Variants in XPO5 observed in about 807,000 individuals in gnomAD.
XPO5 encodes exportin-5.
A neutral mutation model predicts 160.6 loss-of-function variants in XPO5; 46 were observed. The ratio of observed to expected loss-of-function variants is 0.29; its 90% CI spans 0.23 to 0.37. The LOEUF (loss-of-function observed/expected upper bound fraction) is 0.37, where lower values mean the gene tolerates loss of function less well. Among genes scored for constraint, XPO5 ranks in the 10% least tolerant of loss-of-function variants. XPO5 has a pLI of 1.00. For missense variants in XPO5, 1,090 were observed against 1,463.9 expected, an observed-to-expected ratio of 0.74 and a Z score of 4.17; for synonymous variants, 537 against 519.3, an observed-to-expected ratio of 1.03 and a Z score of -0.46.
At chr6:43,529,031 A>T (rs1204296432) in intron 23 of XPO5, 106 bp from the exon 24 acceptor site, 1 of 1,173,608 alleles carries the variant, frequency 8.5e-7, no homozygotes, top group Non-Finnish European at 1.2e-6. Flanking sequence ...GATTTGCCAG[A>T]TGTCAAAAAT....
At chr6:43,542,477 T>C (rs947697283) in intron 20 of XPO5, among the ~76,000 whole-genome samples, 1 of 152,164 alleles carries the variant, frequency 6.6e-6, no homozygotes, top group Non-Finnish European at 1.5e-5. Flanking sequence ...TAACATGATC[T>C]CAGCTCACTG....
At chr6:43,531,678 G>C in intron 21 of XPO5, 103 bp from the exon 22 acceptor site, 2 of 980,502 alleles carry the variant, frequency 2.0e-6, no homozygotes, top group Non-Finnish European at 3.3e-6. Flanking sequence ...GAAGATGTGT[G>C]CATGTCTGGT....
intron 20 of XPO5, among the ~76,000 whole-genome samples, chr6:43,537,737 G>T (rs1345791188): frequency 2.6e-5 from 4 of 152,054 alleles, no homozygotes; most frequent in Non-Finnish European, 4.4e-5. Flanking sequence ...GGAAACTCTG[G>T]AAATACAAGT....
At chr6:43,567,935 CAAA>C (rs760267973) in intron 6 of XPO5, among the ~76,000 whole-genome samples, 9 of 75,192 alleles carry the variant, frequency 1.2e-4, no homozygotes, top group Non-Finnish European at 2.2e-4. Context: ...GACCCTGTGT[CAAA>C]AAAAAAAAAA....
chr6:43,571,165 T>A lies in XPO5; in HGVS notation c.301-171A>T, dbSNP rs532111486. 7.9e-5 allele frequency among the ~76,000 whole-genome samples: 12 copies of A among 152,310 alleles called. No individual in the cohort carries two copies. The South Asian group carries it at 2.5e-3, about 32-fold the overall frequency. On this transcript the variant is annotated intron_variant, in intron 3 of 31. Coordinates refer to ENST00000265351, the MANE Select transcript of XPO5 (RefSeq NM_020750.3). ...GTCACTTGTCCTGCATTCTTGCTAA[T>A]CACTCTTCCGCTTAAAGCTTAAGTG...
In XPO5 at chr6:43,528,321, A is replaced by C. The variant is rs1232543732; in HGVS notation, c.2776-116T>G. On this transcript the variant is annotated intron_variant, in intron 24 of 31. Transcript: ENST00000265351. ...TAGCCAAGGATGATTCTAGGCATCA[A>C]TGACAACTTCTGTAGACTCCACACC... The C allele has an allele frequency of 5.7e-6, 6 of 1,058,594 alleles. No homozygotes were observed. The African/African-American group carries it at 9.5e-5, about 17-fold the overall frequency. 65.6% of individuals were successfully genotyped at this position (1,058,594 alleles called of 1,614,324 possible).
chr6:43,530,638 T>A, intron 23 of XPO5, 50 bp downstream of exon 23: 1 of 1,598,646 alleles, frequency 6.3e-7, no homozygotes, highest in African/African-American at 1.3e-5. Context: ...TTTGTTTCTC[T>A]CTCTAATTTT....
At chr6:43,545,417 C>T (rs1306315779) in intron 20 of XPO5, among the ~76,000 whole-genome samples, 2 of 151,952 alleles carry the variant, frequency 1.3e-5, no homozygotes, top group East Asian at 1.9e-4. Context: ...TTTAAACATC[C>T]TGTGAGAGGC....
Position 43,570,640 on chromosome 6 carries a change from T to G in XPO5, c.483A>C (p.Ala161=), listed in dbSNP as rs774858003. Residue 161 remains alanine, a synonymous_variant, in exon 5 of 32, where the codon GCA becomes GCC. Transcript: ENST00000265351. ...ELVMFILLRL[A]EDVVTFQTLP... Reference sequence around the variant, plus strand: ...GTGTCTGAAAAGTCACTACATCCTCTGCCAGTCGCAAAAGGATAAACATCA... The same window carrying G: ...GTGTCTGAAAAGTCACTACATCCTCGGCCAGTCGCAAAAGGATAAACATCA... 6.2e-7 allele frequency: 1 copy of G among 1,613,588 alleles called. No individual in the cohort carries two copies. The highest frequency in any genetic ancestry group is 8.5e-7 in the Non-Finnish European group (1 of 1,179,746).
intron 1 of XPO5, among the ~76,000 whole-genome samples, chr6:43,573,825 T>TATATATATATATA (rs1561889363): frequency 2.3e-5 from 2 of 85,278 alleles, no homozygotes; most frequent in African/African-American, 1.1e-4. Flanking sequence ...ATATATATAT[T>TATATATATATATA]TTTTTTTTTT....
intron 20 of XPO5, chr6:43,539,342 C>T (rs561430114): frequency 1.4e-4 from 214 of 1,577,670 alleles, no homozygotes; most frequent in South Asian, 1.1e-3. Flanking sequence ...GAACCTGGTG[C>T]GCTGGCCAGC....
chr6:43,575,774 G>A lies in XPO5; in HGVS notation c.91C>T (p.Leu31=). 1.9e-6 allele frequency: 3 copies of A among 1,613,514 alleles called. No individual in the cohort carries two copies. The highest frequency in any genetic ancestry group is 1.3e-5 in the African/African-American group (1 of 75,050). ...MDPNSTQRYR[L]EALKFCEEFK... is the part of the protein sequence containing the mutation. ...ACCCCAGCTACCTTGAGGGCTTCCA[G>A]CCGGTAGCGCTGGGTGGAGTTGGGG... The change falls in exon 1 of 32, where the codon CTG becomes TTG. Residue 31 remains leucine, a synonymous_variant. Transcript: ENST00000265351.
At chr6:43,536,431 CA>C (rs1794328463) in intron 20 of XPO5, among the ~76,000 whole-genome samples, 2 of 146,284 alleles carry the variant, frequency 1.4e-5, no homozygotes, top group African/African-American at 5.0e-5. Context: ...AAAAAAAAGT[CA>C]TTCACTAACC....
Position 43,530,829 on chromosome 6 carries a change from A to T in XPO5, c.2541-5T>A. On this transcript the variant is annotated splice_region_variant and splice_polypyrimidine_tract_variant and intron_variant, in intron 22 of 31. Transcript: ENST00000265351. ...GCCTTCCCTAGGATATGAAAACTGT[A>T]AAGGGGAAAAAAAGAGCATTGAAAA... The T allele has an allele frequency of 1.2e-6, 2 of 1,605,982 alleles. No individual in the cohort carries two copies. Among genetic ancestry groups the T allele is most frequent in the Non-Finnish European group, 1.7e-6 (2 of 1,176,668 alleles).
At chr6:43,565,800 T>C (rs890994956) in intron 7 of XPO5, 64 bp from the exon 8 acceptor site, 32 of 1,254,444 alleles carry the variant, frequency 2.6e-5, no homozygotes, top group Non-Finnish European at 3.4e-5. Context: ...ACATCTTCTG[T>C]AAGTATATAA....
chr6:43,562,537 T>C, intron 8 of XPO5, 191 bp from the exon 9 acceptor site: 1 of 544,498 alleles, frequency 1.8e-6, no homozygotes, highest in South Asian at 2.1e-5. Context: ...CCTAAAATGA[T>C]ATAGGACTAT....
intron 14 of XPO5, among the ~76,000 whole-genome samples, chr6:43,552,992 T>A (rs940742600): frequency 6.6e-6 from 1 of 152,152 alleles, no homozygotes; most frequent in Non-Finnish European, 1.5e-5. Flanking sequence ...TTCTGTAAGA[T>A]GTACATCCAT....
intron 20 of XPO5, among the ~76,000 whole-genome samples, chr6:43,541,640 A>G (rs1229993545): frequency 7.1e-6 from 1 of 141,498 alleles, no homozygotes; most frequent in Non-Finnish European, 1.5e-5. Context: ...CTGTCTCTAG[A>G]TATTTCATAA....
At position 43,551,130 on chromosome 6, in the gene XPO5, C is replaced by G. The variant is rs1268972016; in HGVS notation, c.1728+168G>C. On this transcript the variant is annotated intron_variant, in intron 15 of 31. Coordinates refer to ENST00000265351, the MANE Select transcript of XPO5 (RefSeq NM_020750.3). Reference sequence around the variant, plus strand: ...CCTAGGCCAGGCATGGTTGTGCATGCTTGTAGTCTCAGCTACTCAGAAGGG... The same window carrying G: ...CCTAGGCCAGGCATGGTTGTGCATGGTTGTAGTCTCAGCTACTCAGAAGGG... 4 of 583,138 alleles carry G rather than the reference C, an allele frequency of 6.9e-6. No homozygotes were observed. In the African/African-American group the frequency reaches 7.7e-5, roughly 11 times the overall value. 36.1% of individuals were successfully genotyped at this position (583,138 alleles called of 1,614,324 possible). A position where few individuals can be genotyped will look rare whatever the true frequency, so the allele number is the denominator to read the frequency against.
Sources: allele counts gnomAD v4.1 joint callset (sites outside exome capture counted in the v4.1 genomes callset), GRCh38; gene constraint gnomAD v4.1.1; transcripts MANE v1.5; gene names NCBI Gene and HGNC (gene_info 2026-07-23, HGNC 2026-07-21).